RBFOX2: variants seen among roughly 807,000 people sequenced by gnomAD.
RBFOX2 encodes the protein RNA binding protein fox-1 homolog 2.
In RBFOX2, 10 loss-of-function variants were observed where a neutral mutation model predicts 49.1. That is an observed-to-expected ratio of 0.20 (90% CI 0.13 to 0.35). The LOEUF is 0.35. RBFOX2 is among the 10% of genes least tolerant of loss of function. The pLI is 1.00. For synonymous variants in RBFOX2, 183 were observed against 187.4 expected (o/e 0.98, Z 0.19); for missense variants, 323 against 486.9 (o/e 0.66, Z 3.17).
intron 1 of RBFOX2, chr22:35,961,521 C>T (rs1479337869): frequency 3.1e-6 from 4 of 1,302,444 alleles, no homozygotes; most frequent in Middle Eastern, 2.1e-4. Flanking sequence ...CCTGCACAAA[C>T]TCCCACTCCA....
At chr22:35,767,190 G>A (rs900409968) in intron 5 of RBFOX2, among the ~76,000 whole-genome samples, 1 of 152,016 alleles carries the variant, frequency 6.6e-6, no homozygotes, top group Non-Finnish European at 1.5e-5. Flanking sequence ...CAAAATCCAG[G>A]CGGCATTACT....
Position 36,028,331 on chromosome 22 carries a change from AC to A in RBFOX2, c.94del (p.Val32CysfsTer13). ...GGCTCCGTCTCCTCCCGCTCCGGGC[AC>A]CGGCAGCTCCAGCTCCGACTCCCGC... On this transcript the variant is annotated frameshift_variant, in exon 1 of 14. Transcript: ENST00000438146. LOFTEE classifies it high-confidence loss of function. 1.3e-6 allele frequency: 2 copies of A among 1,501,226 alleles called. No individual in the cohort carries two copies. Among genetic ancestry groups the A allele is most frequent in the South Asian group, 1.2e-5 (1 of 80,740 alleles). 93.0% of individuals were successfully genotyped at this position (1,501,226 alleles called of 1,614,324 possible).
At chr22:35,860,580 C>T (rs1375627754) in intron 1 of RBFOX2, among the ~76,000 whole-genome samples, 2 of 152,210 alleles carry the variant, frequency 1.3e-5, no homozygotes, top group Non-Finnish European at 2.9e-5. Context: ...ATACTGACAC[C>T]AACACCACAC....
intron 3 of RBFOX2, among the ~76,000 whole-genome samples, chr22:35,781,345 C>T (rs1209337328): frequency 6.6e-6 from 1 of 152,196 alleles, no homozygotes; most frequent in Non-Finnish European, 1.5e-5. Context: ...GAAAGTCTCA[C>T]ATCACAAGAA....
At chr22:35,788,012 A>G (rs1335668486) in intron 2 of RBFOX2, among the ~76,000 whole-genome samples, 1 of 152,206 alleles carries the variant, frequency 6.6e-6, no homozygotes, top group African/African-American at 2.4e-5. Context: ...TCAACACTGC[A>G]CAGGAGGTCG....
chr22:36,018,191 A>C (rs1185111757), intron 1 of RBFOX2, among the ~76,000 whole-genome samples: 1 of 152,208 alleles, frequency 6.6e-6, no homozygotes, highest in African/African-American at 2.4e-5. Context: ...CAGTCTGGGT[A>C]AGCGTGGTGG....
At chr22:36,021,161 C>T (rs2059230439) in intron 1 of RBFOX2, among the ~76,000 whole-genome samples, 1 of 147,294 alleles carries the variant, frequency 6.8e-6, no homozygotes, top group South Asian at 2.1e-4. Context: ...AAACCAAACA[C>T]TGCATGTTCT....
chr22:35,870,735 G>C (rs1362532629), intron 1 of RBFOX2, among the ~76,000 whole-genome samples: 1 of 152,116 alleles, frequency 6.6e-6, no homozygotes, highest in Admixed American at 6.5e-5. Context: ...TGAACTTTCA[G>C]GATCTGTTTG....
chr22:35,816,200 T>C (rs963542179), intron 1 of RBFOX2, among the ~76,000 whole-genome samples: 3 of 152,234 alleles, frequency 2.0e-5, no homozygotes, highest in Non-Finnish European at 4.4e-5. Flanking sequence ...ATTCTTAACT[T>C]ACACAAATAC....
intron 1 of RBFOX2, among the ~76,000 whole-genome samples, chr22:35,877,944 C>G (rs2045351398): frequency 6.6e-6 from 1 of 151,718 alleles, no homozygotes; most frequent in African/African-American, 2.4e-5. Context: ...AAGATAATAG[C>G]AGCGAATACA....
chr22:35,769,827 T>C (rs1015474428), intron 4 of RBFOX2, among the ~76,000 whole-genome samples: 1 of 152,200 alleles, frequency 6.6e-6, no homozygotes, highest in African/African-American at 2.4e-5. Context: ...AAGGATCTGA[T>C]AACTCAGCAT....
intron 2 of RBFOX2, among the ~76,000 whole-genome samples, chr22:35,796,966 C>T (rs1948898540): frequency 6.6e-6 from 1 of 152,096 alleles, no homozygotes; most frequent in Admixed American, 6.6e-5. Flanking sequence ...GGCAGGCCCA[C>T]TTCATTTTCA....
Position 35,820,759 on chromosome 22 carries a change from G to A in RBFOX2, c.28-10755C>T, listed in dbSNP as rs557920095. Among the ~76,000 whole-genome samples, 6 of 152,220 alleles carry A rather than the reference G, an allele frequency of 3.9e-5. No homozygotes were observed. In the South Asian group the frequency reaches 6.2e-4, roughly 16 times the overall value. Reference sequence around the variant, plus strand: ...AGTATATAAGCAAACACAAAGTTCTGTTATAACAAAAATGATATGGTGGTA... The same window carrying A: ...AGTATATAAGCAAACACAAAGTTCTATTATAACAAAAATGATATGGTGGTA... On this transcript the variant is annotated intron_variant, in intron 1 of 11. Coordinates refer to ENST00000405409, the Ensembl canonical transcript of RBFOX2.
At chr22:35,877,231 T>C (rs79986538) in intron 1 of RBFOX2, among the ~76,000 whole-genome samples, 2,402 of 151,304 alleles carry the variant, frequency 0.016, 64 homozygotes, top group African/African-American at 0.055. Context: ...TAGAACAGAA[T>C]AGGGAAGCAA....
At chr22:35,768,460 C>T in intron 4 of RBFOX2, 111 bp from the exon 6 acceptor site, 3 of 913,530 alleles carry the variant, frequency 3.3e-6, no homozygotes, top group Non-Finnish European at 3.4e-6. Context: ...TCAGCAACAA[C>T]TCAGCAATAA....
chr22:35,848,126 TC>T (rs2041452925), intron 1 of RBFOX2, among the ~76,000 whole-genome samples: 1 of 152,198 alleles, frequency 6.6e-6, no homozygotes, highest in East Asian at 1.9e-4. Context: ...TTACTATAAT[TC>T]CCATACTTTG....
intron 1 of RBFOX2, among the ~76,000 whole-genome samples, chr22:35,868,919 T>C (rs1006253445): frequency 1.3e-5 from 2 of 152,232 alleles, no homozygotes; most frequent in African/African-American, 4.8e-5. Context: ...TCATTACTTC[T>C]AGTTTAGGTA....
intron 1 of RBFOX2, among the ~76,000 whole-genome samples, chr22:35,920,704 G>T (rs939034844): frequency 6.6e-6 from 1 of 152,108 alleles, no homozygotes; most frequent in African/African-American, 2.4e-5. Context: ...TGATAAAAAA[G>T]CTTACAACCT....
chr22:35,935,101 A>T (rs2149711354), intron 1 of RBFOX2, among the ~76,000 whole-genome samples: 1 of 151,822 alleles, frequency 6.6e-6, no homozygotes, highest in Admixed American at 6.6e-5. Flanking sequence ...CACCCGGCTG[A>T]TTTTTTTTAT....
Sources: gnomAD v4.1 joint callset for allele counts (sites outside exome capture counted in the v4.1 genomes callset) on GRCh38, gnomAD v4.1.1 for gene constraint, MANE v1.5 for transcripts, NCBI Gene and HGNC (gene_info 2026-07-23, HGNC 2026-07-21) for gene names.